Variants in LIN28B observed in about 807,000 individuals in gnomAD.
The protein encoded by LIN28B is lin-28 RNA binding posttranscriptional regulator B, also known as protein lin-28 homolog B.
A neutral mutation model predicts 21.9 loss-of-function variants in LIN28B; 5 were observed. That is an observed-to-expected ratio of 0.23 (90% CI 0.12 to 0.48). The LOEUF is 0.48. Among genes scored for constraint, LIN28B ranks in the 20% least tolerant of loss-of-function variants. The probability of loss-of-function intolerance (pLI) is 0.98; values close to 1 mark genes in which losing one functional copy is unlikely to be tolerated. For synonymous variants in LIN28B, 109 were observed against 111.3 expected (o/e 0.98, Z 0.13); for missense variants, 245 against 310.5 (o/e 0.79, Z 1.58).
At chr6:104,989,052 T>C (rs1355383008) in intron 2 of LIN28B, among the ~76,000 whole-genome samples, 1 of 152,232 alleles carries the variant, frequency 6.6e-6, no homozygotes, top group Non-Finnish European at 1.5e-5. Flanking sequence ...CTTCTGTCCT[T>C]ATATTGGAAA....
chr6:105,002,510 TAATAAA>T (rs1233514901), intron 2 of LIN28B, among the ~76,000 whole-genome samples: 2 of 152,132 alleles, frequency 1.3e-5, no homozygotes, highest in Non-Finnish European at 2.9e-5. Flanking sequence ...AAACTGAAAT[TAATAAA>T]AATTAAATAA....
At chr6:104,992,905 G>T (rs1296336168) in intron 2 of LIN28B, among the ~76,000 whole-genome samples, 1 of 152,034 alleles carries the variant, frequency 6.6e-6, no homozygotes, top group East Asian at 1.9e-4. Flanking sequence ...AGGTTACAGT[G>T]TGCGTCCTCA....
intron 2 of LIN28B, among the ~76,000 whole-genome samples, chr6:104,979,727 GAT>G (rs1244297466): frequency 6.6e-6 from 1 of 151,874 alleles, no homozygotes; most frequent in Non-Finnish European, 1.5e-5. Flanking sequence ...CAGAAAACCA[GAT>G]ATATAAATTT....
chr6:105,008,043 G>A (rs978202903), intron 2 of LIN28B, among the ~76,000 whole-genome samples: 1 of 152,068 alleles, frequency 6.6e-6, no homozygotes, highest in African/African-American at 2.4e-5. Context: ...ATGTAATTTT[G>A]TGCCTTGTGT....
At chr6:104,999,761 A>G (rs1027813593) in intron 2 of LIN28B, among the ~76,000 whole-genome samples, 3 of 151,904 alleles carry the variant, frequency 2.0e-5, no homozygotes, top group African/African-American at 7.3e-5. Context: ...GCTCACTACA[A>G]CTTCTGCCTC....
intron 2 of LIN28B, among the ~76,000 whole-genome samples, chr6:104,942,693 A>C (rs1778111001): frequency 6.6e-6 from 1 of 152,186 alleles, no homozygotes; most frequent in South Asian, 2.1e-4. Flanking sequence ...TGTATGAAAC[A>C]CAGCAATCCA....
intron 3 of LIN28B, among the ~76,000 whole-genome samples, chr6:105,042,800 A>G (rs1401922656): frequency 1.3e-5 from 2 of 152,174 alleles, no homozygotes; most frequent in South Asian, 4.1e-4. Flanking sequence ...CTTTGTCCCT[A>G]TGAAATACTG....
intron 2 of LIN28B, among the ~76,000 whole-genome samples, chr6:104,976,652 A>G (rs1265173207): frequency 6.6e-6 from 1 of 152,222 alleles, no homozygotes; most frequent in African/African-American, 2.4e-5. Flanking sequence ...ACAAAGGAAG[A>G]GTCCATTTGA....
At chr6:105,046,408 G>A (rs927831585) in intron 3 of LIN28B, among the ~76,000 whole-genome samples, 1 of 152,120 alleles carries the variant, frequency 6.6e-6, no homozygotes, top group African/African-American at 2.4e-5. Flanking sequence ...TCTTAATCCA[G>A]TCTATCATTG....
At position 105,078,692 on chromosome 6, in the gene LIN28B, C is replaced by A; in HGVS notation, c.662C>A (p.Ser221Ter). 1.2e-6 allele frequency: 2 copies of A among 1,614,104 alleles called. No individual in the cohort carries two copies. The highest frequency in any genetic ancestry group is 1.1e-5 in the South Asian group (1 of 91,064). ...GAGATCTCAGAACGGTCAGGCAGGTCACCTCAAGAAGCTTCCTCCACGAAG... is the reference window on the plus strand; with the variant it reads ...GAGATCTCAGAACGGTCAGGCAGGTAACCTCAAGAAGCTTCCTCCACGAAG... ...RAEISERSGR[S>*]PQEASSTKSS... Residue 221 changes from serine (S) to a stop codon, truncating the protein, a stop_gained, in exon 4 of 4, where the codon TCA becomes TAA. Transcript: ENST00000345080. LOFTEE classifies it high-confidence loss of function.
In LIN28B at chr6:104,986,066, C is replaced by G. The variant is rs118089147; in HGVS notation, c.198+27780C>G. 3.2e-3 allele frequency among the ~76,000 whole-genome samples: 480 copies of G among 152,208 alleles called. 3 individuals carry two copies. The highest frequency in any genetic ancestry group is 6.1e-3 in the Non-Finnish European group (414 of 68,022). ...TGGATTGGATATGGGGGCCGATTTT[C>G]TACTTGCTGTTCTTGTGATAGTGGG... On this transcript the variant is annotated intron_variant, in intron 2 of 3. Transcript: ENST00000345080.
At chr6:104,940,378 G>C (rs2114537359) in intron 2 of LIN28B, 1 of 155,296 alleles carries the variant, frequency 6.4e-6, no homozygotes, top group Admixed American at 6.5e-5. Flanking sequence ...CCAGACTGAC[G>C]CTGCGCGCGG....
intron 2 of LIN28B, among the ~76,000 whole-genome samples, chr6:104,966,619 A>ATTT (rs538140992): frequency 1.7e-4 from 21 of 122,802 alleles, no homozygotes; most frequent in African/African-American, 6.3e-4. Flanking sequence ...TGCCCGGCTG[A>ATTT]TTTTTTTTTT....
intron 2 of LIN28B, among the ~76,000 whole-genome samples, chr6:104,972,113 G>T (rs961895683): frequency 2.6e-5 from 4 of 152,032 alleles, no homozygotes; most frequent in Non-Finnish European, 4.4e-5. Context: ...TGGGACTACA[G>T]GTGCACGCCA....
chr6:104,978,153 GC>G (rs915761778), intron 2 of LIN28B, among the ~76,000 whole-genome samples: 2 of 152,116 alleles, frequency 1.3e-5, no homozygotes, highest in East Asian at 1.9e-4. Flanking sequence ...TTGGGCTACT[GC>G]CCCCCACCTT....
At chr6:105,014,446 C>T (rs1037903443) in intron 2 of LIN28B, among the ~76,000 whole-genome samples, 18 of 152,122 alleles carry the variant, frequency 1.2e-4, no homozygotes, top group African/African-American at 3.6e-4. Context: ...CAGCCTCCTG[C>T]GTAGCTGGGA....
upstream of LIN28B, among the ~76,000 whole-genome samples, chr6:104,954,027 C>G: frequency 6.6e-6 from 1 of 152,188 alleles, no homozygotes; most frequent in East Asian, 1.9e-4. Context: ...TGATAGCCAA[C>G]AGGCATATGG....
chr6:105,036,903 G>T (rs1177322280), intron 3 of LIN28B, among the ~76,000 whole-genome samples: 3 of 152,078 alleles, frequency 2.0e-5, no homozygotes, highest in Non-Finnish European at 2.9e-5. Context: ...TAATTTGGTA[G>T]TATTTTAGAA....
chr6:104,937,290 C>T (rs1778020780), intron 2 of LIN28B, among the ~76,000 whole-genome samples: 1 of 152,128 alleles, frequency 6.6e-6, no homozygotes, highest in Admixed American at 6.5e-5. Flanking sequence ...CGCGCCACCA[C>T]GCCCAGCTAG....
Sources: allele counts gnomAD v4.1 joint callset (sites outside exome capture counted in the v4.1 genomes callset), GRCh38; gene constraint gnomAD v4.1.1; transcripts MANE v1.5; gene names NCBI Gene and HGNC (gene_info 2026-07-23, HGNC 2026-07-21).